NIPSNAP2: variants seen among roughly 807,000 people sequenced by gnomAD.
The protein encoded by NIPSNAP2 is nipsnap homolog 2.
A neutral mutation model predicts 48.4 loss-of-function variants in NIPSNAP2; 42 were observed. The ratio of observed to expected loss-of-function variants is 0.87; its 90% confidence interval spans 0.68 to 1.12. The LOEUF (loss-of-function observed/expected upper bound fraction) is 1.12. NIPSNAP2 is among the 50% of genes most tolerant of loss of function. NIPSNAP2 has a pLI of 0.00. For synonymous variants in NIPSNAP2, 158 were observed against 126.6 expected (o/e 1.25, Z -1.67); for missense variants, 314 against 347.3 (o/e 0.90, Z 0.76).
intron 7 of NIPSNAP2, among the ~76,000 whole-genome samples, chr7:55,988,502 C>T (rs922601763): frequency 6.6e-6 from 1 of 151,924 alleles, no homozygotes; most frequent in Non-Finnish European, 1.5e-5. Flanking sequence ...TGGACCCTTC[C>T]GATATTGCTG....
chr7:55,964,715 C>T lies in NIPSNAP2; in HGVS notation c.92+14C>T. On this transcript the variant is annotated intron_variant, in intron 1 of 9. Transcript: ENST00000322090. ...GCCCAGGCTCCGGTGAGCAGCGCCG[C>T]CCTTCCCGGGAGGTGCCGGGGAGGG... 1 of 1,117,988 alleles carries T rather than the reference C, an allele frequency of 8.9e-7. No individual in the cohort carries two copies. The highest frequency in any genetic ancestry group is 1.7e-5 in the African/African-American group (1 of 60,566). 69.3% of individuals were successfully genotyped at this position (1,117,988 alleles called of 1,614,324 possible). A position where few individuals can be genotyped will look rare whatever the true frequency, so the allele number is the denominator to read the frequency against.
intron 7 of NIPSNAP2, among the ~76,000 whole-genome samples, chr7:55,988,029 A>T (rs553797196): frequency 6.6e-6 from 1 of 152,142 alleles, no homozygotes; most frequent in Non-Finnish European, 1.5e-5. Flanking sequence ...TGGGAGGCTA[A>T]GGTGGGCAGA....
intron 5 of NIPSNAP2, 36 bp from the exon 6 acceptor site, chr7:55,983,692 C>A: frequency 6.2e-7 from 1 of 1,608,582 alleles, no homozygotes; most frequent in African/African-American, 1.3e-5. Flanking sequence ...ATGTAAGTAT[C>A]AGAAGATTTC....
chr7:55,969,564 CTGTT>C (rs1263387000), intron 1 of NIPSNAP2, among the ~76,000 whole-genome samples: 1 of 152,166 alleles, frequency 6.6e-6, no homozygotes, highest in Non-Finnish European at 1.5e-5. Flanking sequence ...AAGAGCTTGT[CTGTT>C]TGAGTTGTGA....
At chr7:55,998,978 CA>C (rs775215775) in intron 9 of NIPSNAP2, 29 bp from the exon 10 acceptor site, 1 of 1,583,412 alleles carries the variant, frequency 6.3e-7, no homozygotes, top group Admixed American at 1.7e-5. Flanking sequence ...TAGAAAGTAA[CA>C]AGTGCAGTAA....
Position 55,997,377 on chromosome 7 carries a change from C to G in NIPSNAP2, c.724C>G (p.Leu242Val). ...MVHHLWAYRD[L>V]QTREDIRNAA... Reference sequence around the variant, plus strand: ...TGGTTATTTTTAAGCTTACAGGGATCTTCAGACCAGGGAAGACATACGGAA... The same window carrying G: ...TGGTTATTTTTAAGCTTACAGGGATGTTCAGACCAGGGAAGACATACGGAA... Residue 242 changes from leucine to valine, a missense_variant, in exon 9 of 10, where the codon CTT becomes GTT. By Grantham distance (32) the Leu-to-Val change is conservative. This residue lies in a region of NIPSNAP2 where 116 missense variants were observed against 161.8 expected (regional missense o/e 0.72). Coordinates refer to ENST00000322090, the MANE Select transcript of NIPSNAP2 (RefSeq NM_001483.3). 6.2e-7 allele frequency: 1 copy of G among 1,613,490 alleles called. No homozygotes were observed. Among genetic ancestry groups the G allele is most frequent in the Non-Finnish European group, 8.5e-7 (1 of 1,179,506 alleles).
intron 7 of NIPSNAP2, among the ~76,000 whole-genome samples, chr7:55,987,455 C>T (rs1787354667): frequency 6.6e-6 from 1 of 152,112 alleles, no homozygotes; most frequent in Admixed American, 6.5e-5. Flanking sequence ...TGGCAAAACC[C>T]CGTCTCTACT....
At chr7:55,980,867 T>G (rs1787200132) in intron 3 of NIPSNAP2, 1 of 152,266 alleles carries the variant, frequency 6.6e-6, no homozygotes, top group Admixed American at 6.5e-5. Flanking sequence ...CTTTAATTTT[T>G]ATTCTTCTGC....
chr7:55,976,307 G>A (rs1261798071), intron 1 of NIPSNAP2, among the ~76,000 whole-genome samples: 1 of 152,164 alleles, frequency 6.6e-6, no homozygotes, highest in Non-Finnish European at 1.5e-5. Flanking sequence ...TTCTGACGGG[G>A]AGTATTTCCT....
chr7:55,967,718 G>A (rs1004432084), intron 1 of NIPSNAP2, among the ~76,000 whole-genome samples: 3 of 151,662 alleles, frequency 2.0e-5, no homozygotes, highest in East Asian at 1.9e-4. Context: ...GCGTGATCTC[G>A]GCTCCCTGCA....
chr7:55,983,763 G>GCTT lies in NIPSNAP2; in HGVS notation c.483_485dup (p.Leu162dup). 1 of 1,614,072 alleles carries GCTT rather than the reference G, an allele frequency of 6.2e-7. No homozygotes were observed. Among genetic ancestry groups the GCTT allele is most frequent in the Non-Finnish European group, 8.5e-7 (1 of 1,179,988 alleles). The stretch of plus-strand genomic sequence containing the variant: ...AATTTCGTAAGGCAAGAAGTGACAT[G>GCTT]CTTCTCTCCAGGAAGAATCAGCTCC... On this transcript the variant is annotated inframe_insertion, in exon 6 of 10. Transcript: ENST00000322090.
chr7:55,968,600 T>G, intron 1 of NIPSNAP2, among the ~76,000 whole-genome samples: 1 of 152,170 alleles, frequency 6.6e-6, no homozygotes, highest in South Asian at 2.1e-4. Flanking sequence ...TTGGCCAGGA[T>G]GGTCTCGATC....
rs376214937 is a variant in NIPSNAP2, at chr7:55,981,603, C to T, written c.373+36C>T. The T allele has an allele frequency of 1.0e-5, 14 of 1,406,736 alleles. 1 individual carries two copies. The Middle Eastern group carries it at 1.2e-3, about 124-fold the overall frequency. 87.1% of individuals were successfully genotyped at this position (1,406,736 alleles called of 1,614,324 possible). ...AAGTCTTTGGAATAAACACTTCTTC[C>T]TTAAGCCTTATGTAACACTTAAGTA... On this transcript the variant is annotated intron_variant, in intron 4 of 9. Coordinates refer to ENST00000322090, the MANE Select transcript of NIPSNAP2 (RefSeq NM_001483.3).
intron 6 of NIPSNAP2, among the ~76,000 whole-genome samples, chr7:55,984,367 G>C (rs1001300615): frequency 1.3e-5 from 2 of 152,004 alleles, no homozygotes; most frequent in Non-Finnish European, 2.9e-5. Context: ...GCTTGAGCCA[G>C]GAAGCTTGAG....
chr7:55,965,296 TAG>T (rs1562759292), intron 1 of NIPSNAP2: 10 of 152,062 alleles, frequency 6.6e-5, no homozygotes, highest in African/African-American at 2.4e-4. Context: ...TAAAAGTACT[TAG>T]AGTTATCAGC....
At chr7:55,975,777 C>T (rs1787096112) in intron 1 of NIPSNAP2, among the ~76,000 whole-genome samples, 1 of 152,190 alleles carries the variant, frequency 6.6e-6, no homozygotes, top group Admixed American at 6.5e-5. Context: ...GTGGCTCACA[C>T]CTATAATCCC....
At chr7:55,970,390 C>T (rs1786995320) in intron 1 of NIPSNAP2, among the ~76,000 whole-genome samples, 2 of 150,692 alleles carry the variant, frequency 1.3e-5, no homozygotes, top group Admixed American at 1.3e-4. Context: ...CTCACTGCAA[C>T]GTCCGCCTCC....
chr7:55,994,631 C>T (rs1310357936), intron 7 of NIPSNAP2, among the ~76,000 whole-genome samples: 2 of 152,014 alleles, frequency 1.3e-5, no homozygotes, highest in Non-Finnish European at 2.9e-5. Context: ...GAGGATGGCT[C>T]GAACCCAGGA....
intron 8 of NIPSNAP2, 103 bp downstream of exon 8, chr7:55,995,091 G>A: frequency 1.1e-6 from 1 of 935,852 alleles, no homozygotes; most frequent in Non-Finnish European, 1.7e-6. Context: ...AACCACTACA[G>A]CAAATCCGAC....
Sources: allele counts gnomAD v4.1 joint callset (sites outside exome capture counted in the v4.1 genomes callset), GRCh38; gene constraint gnomAD v4.1.1; regional missense constraint gnomAD v4.1.1; transcripts MANE v1.5; gene names NCBI Gene and HGNC (gene_info 2026-07-23, HGNC 2026-07-21).